Variants in ASAH2 observed in about 807,000 individuals in gnomAD.
ASAH2 encodes N-acylsphingosine amidohydrolase 2.
Under a neutral mutation model 82.9 loss-of-function variants are expected in ASAH2, and 58 were observed. The ratio of observed to expected loss-of-function variants is 0.70; its 90% confidence interval spans 0.57 to 0.87. ASAH2 has a LOEUF of 0.87. Among genes scored for constraint, ASAH2 ranks in the 40% least tolerant of loss-of-function variants. The pLI is 0.00. For synonymous variants in ASAH2, 276 were observed against 289.7 expected (o/e 0.95, Z 0.48); for missense variants, 779 against 834.0 (o/e 0.93, Z 0.81).
intron 6 of ASAH2, 140 bp downstream of exon 6, chr10:50,234,285 C>T (rs974337159): frequency 0.29 from 342,194 of 1,198,684 alleles, 51,428 homozygotes; most frequent in Non-Finnish European, 0.31. Context: ...TTTTAGATTA[C>T]ACAGATGTTT....
rs1200115171 is a variant in ASAH2, at chr10:50,223,502, C to T, written c.894-4872G>A. ...GGTTCTACGTGCTAGCATGGCCCTCCCCGACCTAAACGCCCACAAATAGGG... is the reference window on the plus strand; with the variant it reads ...GGTTCTACGTGCTAGCATGGCCCTCTCCGACCTAAACGCCCACAAATAGGG... On this transcript the variant is annotated intron_variant, in intron 7 of 20. Transcript: ENST00000682911. 5.9e-5 allele frequency among the ~76,000 whole-genome samples: 9 copies of T among 152,248 alleles called. No individual in the cohort carries two copies. In the East Asian group the frequency reaches 1.7e-3, roughly 29 times the overall value.
intron 1 of ASAH2, among the ~76,000 whole-genome samples, chr10:50,250,324 G>C (rs1433599838): frequency 6.6e-6 from 1 of 152,204 alleles, no homozygotes; most frequent in African/African-American, 2.4e-5. Context: ...AGGCTGAACT[G>C]GGAGTGGGCA....
intron 4 of ASAH2, among the ~76,000 whole-genome samples, chr10:50,239,840 T>G (rs1228956057): frequency 2.0e-5 from 3 of 148,680 alleles, no homozygotes; most frequent in African/African-American, 4.9e-5. Context: ...TTTTTTTTTT[T>G]TTTTTTTGAG....
intron 9 of ASAH2, among the ~76,000 whole-genome samples, chr10:50,213,881 C>T (rs1417614786): frequency 1.3e-5 from 2 of 152,082 alleles, no homozygotes; most frequent in Non-Finnish European, 2.9e-5. Flanking sequence ...ATGGAATAAA[C>T]ATCCCAGAAA....
In ASAH2 at chr10:50,186,420, G is replaced by A. The variant is rs1467565066; in HGVS notation, c.*895C>T. ...TAATTTAGAACCTCTGCTTTGAGGA[G>A]TGCTTTCCCAGCCAGTAATATTTTT... On this transcript the variant is annotated 3_prime_UTR_variant, in exon 21 of 21. Transcript: ENST00000682911. 3.7e-4 allele frequency: 21 copies of A among 56,236 alleles called. 3 individuals carry two copies. Among genetic ancestry groups the A allele is most frequent in the African/African-American group, 8.6e-4 (20 of 23,246 alleles). 3.5% of individuals were successfully genotyped at this position (56,236 alleles called of 1,614,324 possible). A position where few individuals can be genotyped will look rare whatever the true frequency, so the allele number is the denominator to read the frequency against.
chr10:50,226,910 G>A (rs1366526032), intron 7 of ASAH2, among the ~76,000 whole-genome samples: 1 of 152,202 alleles, frequency 6.6e-6, no homozygotes, highest in African/African-American at 2.4e-5. Flanking sequence ...AAGAGCAATT[G>A]TTGTGTTGTT....
chr10:50,210,197 T>C (rs1302941279), intron 12 of ASAH2, among the ~76,000 whole-genome samples: 1 of 152,096 alleles, frequency 6.6e-6, no homozygotes, highest in Admixed American at 6.6e-5. Context: ...TGGAATATTA[T>C]TCAACCATAA....
In ASAH2 at chr10:50,204,911, C is replaced by G; in HGVS notation, c.1575G>C (p.Gln525His). ...TGGCCAAGGACCCAAGGGTAATAAT[C>G]TGAACATCAACAATGTCTGGATGCC... ...HPWHPDIVDVQIITLGSLAIT... is the reference protein window; with the variant it reads ...HPWHPDIVDVHIITLGSLAIT... The change falls in exon 14 of 21, where the codon CAG becomes CAC. Residue 525 changes from glutamine to histidine, a missense_variant. Physicochemically the swap from Gln to His is conservative, Grantham distance 24. Around this residue, in one of 3 missense-constraint regions of ASAH2, gnomAD observed 759 missense variants for 755.2 expected, o/e 1.00. Transcript: ENST00000682911. 1 of 1,611,740 alleles carries G rather than the reference C, an allele frequency of 6.2e-7. No individual in the cohort carries two copies.
At position 50,210,823 on chromosome 10, in the gene ASAH2, C is replaced by T. The variant is rs1463668692; in HGVS notation, c.1414G>A (p.Gly472Arg). The change falls in exon 12 of 21, where the codon GGG (glycine) becomes AGG (arginine). Residue 472 changes from glycine to arginine, a missense_variant and splice_region_variant. This residue lies in a region of ASAH2 where 759 missense variants were observed against 755.2 expected (regional missense o/e 1.00). Coordinates refer to ENST00000682911, the MANE Select transcript of ASAH2 (RefSeq NM_019893.4). ...DGVGGLNFTQGKTEGDPFWDT... is the reference protein window; with the variant it reads ...DGVGGLNFTQRKTEGDPFWDT... Reference sequence around the variant, plus strand: ...TAGATTTTACTGGACTTCACCTTACCCTGTGTAAAATTGAGGCCTCCAACT... The same window carrying T: ...TAGATTTTACTGGACTTCACCTTACTCTGTGTAAAATTGAGGCCTCCAACT... 2.1e-5 allele frequency: 34 copies of T among 1,608,644 alleles called. No homozygotes were observed. In the African/African-American group the frequency reaches 3.5e-4, roughly 16 times the overall value.
At position 50,204,875 on chromosome 10, in the gene ASAH2, G is replaced by A; in HGVS notation, c.1611C>T (p.Ile537=). 1 of 1,609,778 alleles carries A rather than the reference G, an allele frequency of 6.2e-7. No individual in the cohort carries two copies. Among genetic ancestry groups the A allele is most frequent in the Non-Finnish European group, 8.5e-7 (1 of 1,177,056 alleles). Residue 537 remains isoleucine (I), a synonymous_variant, in exon 14 of 21, where the codon ATC becomes ATT. Coordinates refer to ENST00000682911, the MANE Select transcript of ASAH2 (RefSeq NM_019893.4). Reference sequence around the variant, plus strand: ...GAAAAACTTACGTAAACTCCCCGGGGATGGCAGTTATGGCCAAGGACCCAA... The same window carrying A: ...GAAAAACTTACGTAAACTCCCCGGGAATGGCAGTTATGGCCAAGGACCCAA... ...ITLGSLAITA[I]PGEFTTMSGR... is the part of the protein sequence containing the mutation.
chr10:50,186,456 C>T lies in ASAH2; in HGVS notation c.*859G>A, dbSNP rs571103917. The T allele has an allele frequency of 3.7e-4, 19 of 51,114 alleles. 6 individuals are homozygous for T. The South Asian group carries it at 9.7e-3, about 26-fold the overall frequency. The allele number at this position is 51,114 out of a possible 1,614,324, so 3.2% of individuals were successfully genotyped here. ...GCCAGTAATATTTTTAATATCTACA[C>T]TAATGGCAAAACTTTCTGGTTTGGG... On this transcript the variant is annotated 3_prime_UTR_variant, in exon 21 of 21. Coordinates refer to ENST00000682911, the MANE Select transcript of ASAH2 (RefSeq NM_019893.4).
chr10:50,249,933 C>T (rs539332899), intron 1 of ASAH2, among the ~76,000 whole-genome samples: 13 of 152,034 alleles, frequency 8.6e-5, no homozygotes, highest in Non-Finnish European at 1.5e-4. Context: ...GCTGCTACCC[C>T]CAAGAGTTAA....
chr10:50,187,408 A>G lies in ASAH2; in HGVS notation c.2250T>C (p.Tyr750=). 2.7e-6 allele frequency: 1 copy of G among 364,658 alleles called. No homozygotes were observed. Among genetic ancestry groups the G allele is most frequent in the Non-Finnish European group, 4.7e-6 (1 of 211,884 alleles). The allele number at this position is 364,658 out of a possible 1,614,324, so 22.6% of individuals were successfully genotyped here. The change falls in exon 21 of 21, where the codon TAT becomes TAC. Residue 750 remains tyrosine (Y), a synonymous_variant. Coordinates refer to ENST00000682911, the MANE Select transcript of ASAH2 (RefSeq NM_019893.4). ...TGTCCTGCTTCCGATTGTGTCCAAA[A>G]TATCTTATTCTGTAGATTCCAGGCT... ...TAQPGIYRIR[Y]FGHNRKQDIL...
chr10:50,221,247 T>C (rs986391517), intron 7 of ASAH2, among the ~76,000 whole-genome samples: 46 of 152,272 alleles, frequency 3.0e-4, no homozygotes, highest in African/African-American at 1.1e-3. Flanking sequence ...TCTAATCAAC[T>C]AGTGTTTTCC....
intron 19 of ASAH2, among the ~76,000 whole-genome samples, chr10:50,190,684 T>G (rs1275543099): frequency 7.1e-6 from 1 of 141,380 alleles, no homozygotes; most frequent in East Asian, 2.1e-4. Context: ...CGTAATCTCT[T>G]CCAGATGCAT....
At chr10:50,245,108 A>T in intron 3 of ASAH2, 114 bp downstream of exon 3, 2 of 982,728 alleles carry the variant, frequency 2.0e-6, no homozygotes. Flanking sequence ...AAGGTCAATT[A>T]AAAAGCTAAA....
At chr10:50,211,255 T>G (rs1845447396) in intron 10 of ASAH2, 121 bp from the exon 11 acceptor site, 1 of 790,512 alleles carries the variant, frequency 1.3e-6, no homozygotes, top group East Asian at 2.6e-5. Context: ...AGCTTTTGTT[T>G]TGCTGGTTGC....
intron 2 of ASAH2, 95 bp from the exon 3 acceptor site, chr10:50,245,549 A>AGTTTTCCTTATG: frequency 9.1e-7 from 1 of 1,096,262 alleles, no homozygotes. Flanking sequence ...GTTCATAAGG[A>AGTTTTCCTTATG]AAACTCTTTA....
At chr10:50,233,073 A>G (rs1846058090) in intron 7 of ASAH2, 111 bp downstream of exon 7, 1 of 921,328 alleles carries the variant, frequency 1.1e-6, no homozygotes, top group Non-Finnish European at 1.8e-6. Flanking sequence ...TGGACTCTTA[A>G]CCACACAACT....
Sources: gnomAD v4.1 joint callset for allele counts (sites outside exome capture counted in the v4.1 genomes callset) on GRCh38, gnomAD v4.1.1 for gene constraint, gnomAD v4.1.1 regional missense constraint, MANE v1.5 for transcripts, NCBI Gene and HGNC (gene_info 2026-07-23, HGNC 2026-07-21) for gene names.